Variants in ATL1 observed in about 807,000 individuals in gnomAD.
ATL1 encodes the protein atlastin GTPase 1, also known as atlastin-1.
A neutral mutation model predicts 75.5 loss-of-function variants in ATL1; 31 were observed. The ratio of observed to expected loss-of-function variants is 0.41; its 90% CI spans 0.31 to 0.55. The LOEUF is 0.55. Ranked by LOEUF, ATL1 falls within the 20% of genes least tolerant of loss-of-function variation. The probability of loss-of-function intolerance (pLI) is 0.27; values close to 1 mark genes in which losing one functional copy is unlikely to be tolerated. For synonymous variants in ATL1, 226 were observed against 233.3 expected (o/e 0.97, Z 0.28); for missense variants, 405 against 662.6 (o/e 0.61, Z 4.27).
chr14:50,575,736 T>A (rs752680960), intron 1 of ATL1, among the ~76,000 whole-genome samples: 27 of 137,448 alleles, frequency 2.0e-4, no homozygotes, highest in Non-Finnish European at 4.1e-4. Context: ...TCTTACTTAG[T>A]TTATGCTGGA....
chr14:50,617,258 TA>T (rs2039424384), intron 8 of ATL1, among the ~76,000 whole-genome samples: 1 of 152,228 alleles, frequency 6.6e-6, no homozygotes, highest in South Asian at 2.1e-4. Context: ...TGAAAAAGAT[TA>T]AAGGTACTGA....
rs182269767 is a variant in ATL1, at chr14:50,551,376, G to A, written c.-139-8751G>A. Among the ~76,000 whole-genome samples the A allele has an allele frequency of 2.0e-3, 306 of 151,864 alleles. 4 individuals carry two copies. The highest frequency in any genetic ancestry group is 7.2e-3 in the African/African-American group (297 of 41,450). ...CAATAACAAGCAGTGAGATTGAATC[G>A]ATGATTTTAAAATTGCCAAAAAAAA... On this transcript the variant is annotated intron_variant, in intron 1 of 13. Coordinates refer to the ATL1 transcript ENST00000441560.
intron 8 of ATL1, among the ~76,000 whole-genome samples, chr14:50,619,016 G>A (rs1290611467): frequency 2.0e-5 from 3 of 151,838 alleles, no homozygotes; most frequent in Non-Finnish European, 2.9e-5. Context: ...TCAGCCTTCC[G>A]AGTAGCTGGG....
At chr14:50,550,182 A>G (rs1235571530) in intron 1 of ATL1, among the ~76,000 whole-genome samples, 1 of 152,232 alleles carries the variant, frequency 6.6e-6, no homozygotes, top group Non-Finnish European at 1.5e-5. Flanking sequence ...TGCAGATTGC[A>G]TAGGCAAGGC....
chr14:50,554,563 G>T (rs8014445), intron 1 of ATL1, among the ~76,000 whole-genome samples: 135,967 of 152,220 alleles, frequency 0.89, 62,329 homozygotes, highest in Non-Finnish European at 0.99. Flanking sequence ...TGGGGAAGGC[G>T]GGGCAGTGAG....
chr14:50,554,495 G>A (rs2038741396), intron 1 of ATL1, among the ~76,000 whole-genome samples: 1 of 152,196 alleles, frequency 6.6e-6, no homozygotes, highest in South Asian at 2.1e-4. Context: ...GGAATGGGGT[G>A]GATTGTAGTG....
At chr14:50,540,325 G>C (rs1376584072) in intron 1 of ATL1, among the ~76,000 whole-genome samples, 1 of 152,068 alleles carries the variant, frequency 6.6e-6, no homozygotes, top group African/African-American at 2.4e-5. Flanking sequence ...AAAAATCCTG[G>C]GACTGATTGG....
upstream of ATL1, chr14:50,559,967 GA>G: frequency 2.1e-6 from 1 of 480,108 alleles, no homozygotes; most frequent in Non-Finnish European, 3.8e-6. Flanking sequence ...GTTTTCCGTT[GA>G]AAATGTTGCG....
intron 1 of ATL1, among the ~76,000 whole-genome samples, chr14:50,583,348 C>T (rs551919166): frequency 6.6e-5 from 10 of 152,100 alleles, no homozygotes; most frequent in Admixed American, 1.3e-4. Flanking sequence ...ATAAATTTTA[C>T]AGGAAATAAT....
intron 1 of ATL1, among the ~76,000 whole-genome samples, chr14:50,587,261 A>G (rs2039110776): frequency 6.6e-6 from 1 of 152,242 alleles, no homozygotes. Flanking sequence ...CTCAGCAGAC[A>G]GAGACATCTG....
intron 1 of ATL1, among the ~76,000 whole-genome samples, chr14:50,538,024 G>T (rs1231585100): frequency 2.6e-5 from 4 of 152,126 alleles, no homozygotes; most frequent in African/African-American, 9.7e-5. Context: ...GGGAGGGGCC[G>T]GGGGCAGAAT....
At chr14:50,560,143 T>C, upstream of ATL1, 1 of 1,177,658 alleles carries the variant, frequency 8.5e-7, no homozygotes, top group Non-Finnish European at 1.2e-6. Context: ...AGCAACATCC[T>C]CAGAGTCTGA....
At chr14:50,571,025 G>A (rs1290427766) in intron 1 of ATL1, among the ~76,000 whole-genome samples, 3 of 152,150 alleles carry the variant, frequency 2.0e-5, no homozygotes, top group Non-Finnish European at 4.4e-5. Flanking sequence ...CTAGTCTTTA[G>A]TGTCTGGTTT....
At chr14:50,610,649 T>C (rs748152135) in intron 6 of ATL1, among the ~76,000 whole-genome samples, 15 of 152,098 alleles carry the variant, frequency 9.9e-5, no homozygotes, top group Admixed American at 1.3e-4. Flanking sequence ...GTGTAAATAT[T>C]TTAAACGCTG....
chr14:50,549,650 A>G (rs1040150624), intron 1 of ATL1, among the ~76,000 whole-genome samples: 7 of 152,218 alleles, frequency 4.6e-5, no homozygotes, highest in East Asian at 1.9e-4. Flanking sequence ...CGAAGAATAT[A>G]TAATGATCAG....
At chr14:50,550,412 C>G (rs1057178630) in intron 1 of ATL1, among the ~76,000 whole-genome samples, 4 of 152,348 alleles carry the variant, frequency 2.6e-5, no homozygotes, top group African/African-American at 9.6e-5. Flanking sequence ...GTAATGTCTT[C>G]TGAACTAGGC....
At chr14:50,542,781 G>C (rs1373638230) in intron 1 of ATL1, among the ~76,000 whole-genome samples, 1 of 152,132 alleles carries the variant, frequency 6.6e-6, no homozygotes, top group Non-Finnish European at 1.5e-5. Flanking sequence ...ACAGAATTCT[G>C]TGCCCACACC....
rs113365079 is a variant in ATL1 at position 50,617,140 on chromosome 14, C to A, written c.862+2629C>A. Among the ~76,000 whole-genome samples the A allele has an allele frequency of 2.8e-4, 43 of 152,244 alleles. 2 individuals are homozygous for A. The highest frequency in any genetic ancestry group is 2.3e-3 in the Admixed American group (35 of 15,300). On this transcript the variant is annotated intron_variant, in intron 8 of 13. Coordinates refer to ENST00000358385, the MANE Select transcript of ATL1 (RefSeq NM_015915.5). ...TAATAACTATTTGTTCATGGTCCCT[C>A]AAAGTATTGCAATTATTATTGTCTT...
intron 11 of ATL1, among the ~76,000 whole-genome samples, chr14:50,624,255 G>C (rs924171286): frequency 6.6e-6 from 1 of 151,996 alleles, no homozygotes; most frequent in South Asian, 2.1e-4. Context: ...TTGAAGTTTG[G>C]TGGCAACCCT....
Sources: allele counts gnomAD v4.1 joint callset (sites outside exome capture counted in the v4.1 genomes callset), GRCh38; gene constraint gnomAD v4.1.1; transcripts MANE v1.5; gene names NCBI Gene and HGNC (gene_info 2026-07-23, HGNC 2026-07-21).